The following FGF14 variants were observed in gnomAD, a reference collection of about 807,000 sequenced individuals.
FGF14 encodes fibroblast growth factor homologous factor 4.
A neutral mutation model predicts 25.5 loss-of-function variants in FGF14; 5 were observed. That is an observed-to-expected ratio of 0.20 (90% CI 0.10 to 0.41). FGF14 has a LOEUF of 0.41. Ranked by LOEUF, FGF14 falls within the 10% of genes least tolerant of loss-of-function variation. The probability of loss-of-function intolerance (pLI) is 1.00; values close to 1 mark genes in which losing one functional copy is unlikely to be tolerated. For synonymous variants in FGF14, 138 were observed against 118.3 expected (o/e 1.17, Z -1.08); for missense variants, 222 against 320.1 (o/e 0.69, Z 2.34).
At chr13:102,362,499 T>C (rs917344974) in intron 1 of FGF14, among the ~76,000 whole-genome samples, 1 of 152,190 alleles carries the variant, frequency 6.6e-6, no homozygotes, top group Admixed American at 6.5e-5. Context: ...GGTTAAATAT[T>C]TAGCAGAGGA....
chr13:101,810,321 G>T (rs6491643), intron 3 of FGF14, among the ~76,000 whole-genome samples: 2 of 152,182 alleles, frequency 1.3e-5, no homozygotes, highest in African/African-American at 4.8e-5. Flanking sequence ...GCATAGTATT[G>T]TGTTTTATAA....
intron 1 of FGF14, 52 bp from the exon 2 acceptor site, chr13:101,875,348 C>A (rs376320175): frequency 2.4e-6 from 3 of 1,226,564 alleles, no homozygotes; most frequent in Non-Finnish European, 3.6e-6. Flanking sequence ...ACCATAGTTT[C>A]CTTTATCTTT....
At position 101,716,971 on chromosome 13, in the gene FGF14, T is replaced by C. The variant is rs2034748604; in HGVS notation, c.*5860A>G. The stretch of plus-strand genomic sequence containing the variant: ...ACATATTTACAGGTAAATCTACTTA[T>C]ACACATTAGTTTAGGCAACCTTTAA... On this transcript the variant is annotated 3_prime_UTR_variant, in exon 5 of 5. Coordinates refer to ENST00000376143, the MANE Select transcript of FGF14 (RefSeq NM_004115.4). 6.6e-6 allele frequency: 1 copy of C among 152,040 alleles called. No homozygotes were observed. The highest frequency in any genetic ancestry group is 2.4e-5 in the African/African-American group (1 of 41,426). The allele number at this position is 152,040 out of a possible 1,614,324, so 9.4% of individuals were successfully genotyped here.
chr13:101,977,554 C>T (rs1267200075), intron 1 of FGF14, among the ~76,000 whole-genome samples: 1 of 152,060 alleles, frequency 6.6e-6, no homozygotes, highest in Non-Finnish European at 1.5e-5. Flanking sequence ...CTCCCTACTC[C>T]TCCTTCTTCC....
intron 1 of FGF14, among the ~76,000 whole-genome samples, chr13:102,172,114 C>A (rs948502257): frequency 6.6e-6 from 1 of 151,692 alleles, no homozygotes; most frequent in Non-Finnish European, 1.5e-5. Context: ...ACAGATATGA[C>A]CCCCTACACC....
chr13:102,167,579 T>C (rs2048069422), intron 1 of FGF14, among the ~76,000 whole-genome samples: 3 of 152,154 alleles, frequency 2.0e-5, no homozygotes, highest in Admixed American at 2.0e-4. Context: ...TTCTAATTTC[T>C]GTGTCTCTAT....
At chr13:102,188,254 T>C (rs983702504) in intron 1 of FGF14, among the ~76,000 whole-genome samples, 2 of 152,182 alleles carry the variant, frequency 1.3e-5, no homozygotes, top group African/African-American at 2.4e-5. Flanking sequence ...AGAACACATG[T>C]TATGAATAAC....
chr13:101,916,660 C>G lies in FGF14; in HGVS notation c.-15G>C. 2.0e-6 allele frequency: 3 copies of G among 1,530,514 alleles called. No individual in the cohort carries two copies. Among genetic ancestry groups the G allele is most frequent in the South Asian group, 2.5e-5 (2 of 80,130 alleles). The allele number at this position is 1,530,514 out of a possible 1,614,324, so 94.8% of individuals were successfully genotyped here. The stretch of plus-strand genomic sequence containing the variant: ...GCCGCGGCCATGGTGGCCCCGGGAA[C>G]GGGTCCGGGGAGGGAGGGCGCGGGA... On this transcript the variant is annotated 5_prime_UTR_variant, in exon 1 of 5. Transcript: ENST00000376143.
At chr13:101,736,316 A>T (rs1326228971) in intron 3 of FGF14, among the ~76,000 whole-genome samples, 3 of 152,212 alleles carry the variant, frequency 2.0e-5, no homozygotes, top group African/African-American at 7.2e-5. Flanking sequence ...TACATTCTTC[A>T]TAGAAGTATG....
At chr13:102,108,849 C>T (rs2045065674) in intron 1 of FGF14, among the ~76,000 whole-genome samples, 2 of 152,148 alleles carry the variant, frequency 1.3e-5, no homozygotes, top group South Asian at 2.1e-4. Flanking sequence ...AGACTCAGAA[C>T]ATGTCACACA....
At chr13:102,205,984 TAAAAAAA>T (rs36108366) in intron 1 of FGF14, among the ~76,000 whole-genome samples, 1 of 47,442 alleles carries the variant, frequency 2.1e-5, no homozygotes, top group African/African-American at 7.0e-5. Flanking sequence ...CTCCCTGTGG[TAAAAAAA>T]AAAAAAAAAA....
At chr13:102,220,008 G>C (rs997226630) in intron 1 of FGF14, among the ~76,000 whole-genome samples, 12 of 151,964 alleles carry the variant, frequency 7.9e-5, no homozygotes, top group Non-Finnish European at 1.5e-4. Flanking sequence ...ATATAATGTA[G>C]TTTTCATATG....
chr13:101,843,000 C>A (rs758412654), intron 3 of FGF14, among the ~76,000 whole-genome samples: 2 of 152,042 alleles, frequency 1.3e-5, no homozygotes, highest in Non-Finnish European at 2.9e-5. Context: ...TTCGTCTATA[C>A]GGAAACATAC....
chr13:101,730,241 G>A (rs933790772), intron 3 of FGF14, among the ~76,000 whole-genome samples: 7 of 152,122 alleles, frequency 4.6e-5, no homozygotes, highest in Admixed American at 2.0e-4. Context: ...AGAACATGTC[G>A]TACTGATGTT....
chr13:101,811,157 G>C (rs1443478093), intron 3 of FGF14, among the ~76,000 whole-genome samples: 1 of 151,374 alleles, frequency 6.6e-6, no homozygotes, highest in Non-Finnish European at 1.5e-5. Context: ...TTCACTCTTG[G>C]TGCTGCACAT....
At chr13:102,372,835 G>T (rs376798693) in intron 1 of FGF14, among the ~76,000 whole-genome samples, 1 of 152,068 alleles carries the variant, frequency 6.6e-6, no homozygotes, top group East Asian at 1.9e-4. Flanking sequence ...TTTCTACAAC[G>T]CAGGGGCTAC....
intron 1 of FGF14, among the ~76,000 whole-genome samples, chr13:102,034,992 G>C (rs1350310153): frequency 6.6e-6 from 1 of 152,020 alleles, no homozygotes; most frequent in Non-Finnish European, 1.5e-5. Context: ...ACCATCTTCT[G>C]TGCTGTTTCC....
At chr13:102,159,004 G>A (rs932373504) in intron 1 of FGF14, among the ~76,000 whole-genome samples, 4 of 151,790 alleles carry the variant, frequency 2.6e-5, no homozygotes, top group African/African-American at 9.7e-5. Context: ...CCTGGTTATG[G>A]TGGCATGCAC....
intron 1 of FGF14, among the ~76,000 whole-genome samples, chr13:101,968,788 G>A (rs981339280): frequency 9.3e-5 from 14 of 150,534 alleles, no homozygotes; most frequent in African/African-American, 3.4e-4. Flanking sequence ...GCCAGACTAA[G>A]TGTTCCCCCA....
Sources: allele counts gnomAD v4.1 joint callset (sites outside exome capture counted in the v4.1 genomes callset), GRCh38; gene constraint gnomAD v4.1.1; transcripts MANE v1.5; gene names NCBI Gene and HGNC (gene_info 2026-07-23, HGNC 2026-07-21).